The following SC5D variants were observed in gnomAD, a reference collection of about 807,000 sequenced individuals.
SC5D encodes lathosterol oxidase.
Under a neutral mutation model 23.9 loss-of-function variants are expected in SC5D, and 21 were observed. That is an observed-to-expected ratio of 0.88 (90% CI 0.62 to 1.26). The LOEUF (loss-of-function observed/expected upper bound fraction) is 1.26, where lower values mean the gene tolerates loss of function less well. Ranked by LOEUF, SC5D falls within the 50% of genes most tolerant of loss-of-function variation. The probability of loss-of-function intolerance (pLI) is 0.00; values close to 1 mark genes in which losing one functional copy is unlikely to be tolerated. For missense variants in SC5D, 309 were observed against 364.8 expected (o/e 0.85, Z 1.25); for synonymous variants, 113 against 125.9 (o/e 0.90, Z 0.68).
chr11:121,297,582 G>A (rs1398093136), intron 1 of SC5D, among the ~76,000 whole-genome samples: 1 of 152,252 alleles, frequency 6.6e-6, no homozygotes, highest in East Asian at 1.9e-4. Flanking sequence ...GTTAATTTGG[G>A]TTTAACGTGG....
intron 2 of SC5D, 48 bp downstream of exon 2, chr11:121,303,633 AATATG>A (rs1947941748): frequency 2.1e-6 from 3 of 1,422,236 alleles, no homozygotes; most frequent in African/African-American, 1.4e-5. Flanking sequence ...TAAAAATAAC[AATATG>A]ATATATTTCT....
intron 2 of SC5D, 112 bp from the exon 3 acceptor site, chr11:121,304,249 G>A (rs1947946236): frequency 1.1e-6 from 1 of 899,428 alleles, no homozygotes; most frequent in Non-Finnish European, 1.8e-6. Context: ...CAGTTTGGAG[G>A]TAAGCCCCTT....
rs1204914933 is a variant in SC5D at position 121,308,099 on chromosome 11, C to T, written c.*587C>T. Reference sequence around the variant, plus strand: ...ATAGCAGGTGTAATAAGACTATCGTCTTCCTACACATAGGAGGCTCATTCT... The same window carrying T: ...ATAGCAGGTGTAATAAGACTATCGTTTTCCTACACATAGGAGGCTCATTCT... On this transcript the variant is annotated 3_prime_UTR_variant, in exon 5 of 5. Coordinates refer to ENST00000264027, the MANE Select transcript of SC5D (RefSeq NM_006918.5). The T allele has an allele frequency of 3.3e-5, 5 of 152,524 alleles. No individual in the cohort carries two copies. The South Asian group carries it at 8.3e-4, about 25-fold the overall frequency. 9.4% of individuals were successfully genotyped at this position (152,524 alleles called of 1,614,324 possible). A position where few individuals can be genotyped will look rare whatever the true frequency, so the allele number is the denominator to read the frequency against.
In SC5D at chr11:121,307,042, C is replaced by T. The variant is rs1947970974; in HGVS notation, c.445-15C>T. On this transcript the variant is annotated splice_polypyrimidine_tract_variant and intron_variant, in intron 4 of 4. Coordinates refer to ENST00000264027, the MANE Select transcript of SC5D (RefSeq NM_006918.5). The stretch of plus-strand genomic sequence containing the variant: ...GTAAAGTTTGCAGTGCTAATTGTGT[C>T]CTTTTCTCCTGCAGCGCCTACATAA... 3.1e-6 allele frequency: 5 copies of T among 1,609,470 alleles called. No homozygotes were observed. The highest frequency in any genetic ancestry group is 2.7e-5 in the African/African-American group (2 of 74,816).
intron 1 of SC5D, among the ~76,000 whole-genome samples, chr11:121,301,800 C>T (rs1947928099): frequency 6.6e-6 from 1 of 151,436 alleles, no homozygotes; most frequent in African/African-American, 2.4e-5. Context: ...AAAGGAGGAG[C>T]ATGATATTTA....
chr11:121,304,281 A>G (rs1947946340), intron 2 of SC5D, 80 bp from the exon 3 acceptor site: 2 of 1,361,340 alleles, frequency 1.5e-6, no homozygotes, highest in Non-Finnish European at 1.0e-6. Context: ...GATTTTAAAA[A>G]TCCAGTCCAG....
At chr11:121,298,357 A>G (rs1947903792) in intron 1 of SC5D, among the ~76,000 whole-genome samples, 3 of 152,208 alleles carry the variant, frequency 2.0e-5, no homozygotes, top group East Asian at 3.8e-4. Flanking sequence ...TTGCTTGCAC[A>G]GTTAAGGGAG....
At chr11:121,293,939 A>C (rs1294186631) in intron 1 of SC5D, among the ~76,000 whole-genome samples, 2 of 152,230 alleles carry the variant, frequency 1.3e-5, no homozygotes, top group Non-Finnish European at 2.9e-5. Flanking sequence ...TGAACAAGTT[A>C]TTTAAATACT....
Position 121,307,190 on chromosome 11 carries a change from T to TA in SC5D, c.578_579insA (p.Tyr194LeufsTer9). On this transcript the variant is annotated frameshift_variant, in exon 5 of 5. Transcript: ENST00000264027. LOFTEE classifies it high-confidence loss of function. Reference sequence around the variant, plus strand: ...TTTATCTTTCCATTACACAAGGTGGTTTATTTAAGTCTGTACATCTTGGTT... The same window carrying TA: ...TTTATCTTTCCATTACACAAGGTGGTATTATTTAAGTCTGTACATCTTGGTT... The TA allele has an allele frequency of 6.2e-7, 1 of 1,614,192 alleles. No homozygotes were observed. The highest frequency in any genetic ancestry group is 1.1e-5 in the South Asian group (1 of 91,082).
At chr11:121,299,282 A>G (rs1405107364) in intron 1 of SC5D, among the ~76,000 whole-genome samples, 1 of 152,242 alleles carries the variant, frequency 6.6e-6, no homozygotes, top group African/African-American at 2.4e-5. Flanking sequence ...CCCATGACCA[A>G]TGTCTAATTC....
chr11:121,304,438 G>C lies in SC5D; in HGVS notation c.288G>C (p.Leu96Phe). The change falls in exon 3 of 5, where the codon TTG (leucine) becomes TTC (phenylalanine). Residue 96 changes from leucine (L) to phenylalanine (F), a missense_variant. Transcript: ENST00000264027. The stretch of plus-strand genomic sequence containing the variant: ...GTATTCTTACTGTTGCACTGTTCTT[G>C]CTGGAGATAAGAGGTTACAGCAAAT... Reference protein sequence around the residue: ...WISILTVALFLLEIRGYSKLH... With the variant: ...WISILTVALFFLEIRGYSKLH... The C allele has an allele frequency of 6.2e-7, 1 of 1,613,220 alleles. No homozygotes were observed. The highest frequency in any genetic ancestry group is 1.7e-5 in the Admixed American group (1 of 60,012).
chr11:121,303,137 T>C (rs1947937246), intron 1 of SC5D, among the ~76,000 whole-genome samples: 1 of 152,192 alleles, frequency 6.6e-6, no homozygotes, highest in South Asian at 2.1e-4. Context: ...CCTCAGTTTC[T>C]CTAACTGAGC....
chr11:121,302,237 A>G (rs1042863232), intron 1 of SC5D, among the ~76,000 whole-genome samples: 1 of 152,218 alleles, frequency 6.6e-6, no homozygotes, highest in Non-Finnish European at 1.5e-5. Flanking sequence ...TGTAGGAGAT[A>G]AAGGCCGTTT....
chr11:121,293,786 A>G (rs1947869495), intron 1 of SC5D, among the ~76,000 whole-genome samples: 1 of 152,212 alleles, frequency 6.6e-6, no homozygotes, highest in African/African-American at 2.4e-5. Context: ...TCGTTATGTA[A>G]TGTAATTAAT....
intron 1 of SC5D, among the ~76,000 whole-genome samples, chr11:121,297,552 C>T (rs917108324): frequency 1.3e-5 from 2 of 152,302 alleles, no homozygotes; most frequent in Admixed American, 6.5e-5. Flanking sequence ...CCAGGTATTC[C>T]TGGTGTTTTT....
At position 121,308,012 on chromosome 11, in the gene SC5D, AG is replaced by A. The variant is rs1947980856; in HGVS notation, c.*501del. ...TGATAACTTGTTTTGACTTGAATAA[AG>A]TACTACATCAGTGTGGAAAAAAATT... On this transcript the variant is annotated 3_prime_UTR_variant, in exon 5 of 5. Transcript: ENST00000264027. 6.4e-6 allele frequency: 1 copy of A among 156,946 alleles called. No homozygotes were observed. Among genetic ancestry groups the A allele is most frequent in the Non-Finnish European group, 1.4e-5 (1 of 70,758 alleles). The allele number at this position is 156,946 out of a possible 1,614,324, so 9.7% of individuals were successfully genotyped here.
chr11:121,310,126 G>C lies in SC5D; in HGVS notation c.*2614G>C, dbSNP rs750267018. Reference sequence around the variant, plus strand: ...ATACATGGATTTTACAGTGCATGCAGGTTATTTATGTAGAGAGGAGGTCTG... The same window carrying C: ...ATACATGGATTTTACAGTGCATGCACGTTATTTATGTAGAGAGGAGGTCTG... On this transcript the variant is annotated 3_prime_UTR_variant, in exon 5 of 5. Coordinates refer to ENST00000264027, the MANE Select transcript of SC5D (RefSeq NM_006918.5). 1.3e-5 allele frequency among the ~76,000 whole-genome samples: 2 copies of C among 152,166 alleles called. No individual in the cohort carries two copies. Among genetic ancestry groups the C allele is most frequent in the Non-Finnish European group, 2.9e-5 (2 of 68,042 alleles).
intron 4 of SC5D, 89 bp downstream of exon 4, chr11:121,306,575 C>T (rs1309494594): frequency 1.3e-6 from 1 of 754,112 alleles, no homozygotes; most frequent in South Asian, 1.4e-5. Context: ...CCAAGAATTT[C>T]CTCTACCCAT....
In SC5D at chr11:121,304,444, G is replaced by A; in HGVS notation, c.294G>A (p.Glu98=). ...SILTVALFLL[E]IRGYSKLHDD... is the part of the protein sequence containing the mutation. ...TTACTGTTGCACTGTTCTTGCTGGA[G>A]ATAAGAGGTTACAGCAAATTACATG... is the stretch of plus-strand genomic sequence containing the variant. The change falls in exon 3 of 5, where the codon GAG becomes GAA. Residue 98 remains glutamate, a synonymous_variant. Transcript: ENST00000264027. The A allele has an allele frequency of 1.2e-6, 2 of 1,612,506 alleles. No homozygotes were observed. The highest frequency in any genetic ancestry group is 4.5e-5 in the East Asian group (2 of 44,782).
Sources: allele counts gnomAD v4.1 joint callset (sites outside exome capture counted in the v4.1 genomes callset), GRCh38; gene constraint gnomAD v4.1.1; transcripts MANE v1.5; gene names NCBI Gene and HGNC (gene_info 2026-07-23, HGNC 2026-07-21).